The following GRIN2A variants were observed in gnomAD, a reference collection of about 807,000 sequenced individuals.
GRIN2A encodes glutamate ionotropic receptor NMDA type subunit 2A.
In GRIN2A, 22 loss-of-function variants were observed where a neutral mutation model predicts 113.4. The ratio of observed to expected loss-of-function variants is 0.19; its 90% CI spans 0.14 to 0.28. The LOEUF is 0.28. Among genes scored for constraint, GRIN2A ranks in the 10% least tolerant of loss-of-function variants. GRIN2A has a pLI of 1.00. For missense variants in GRIN2A, 1,502 were observed against 1,887.0 expected (o/e 0.80, Z 3.78); for synonymous variants, 827 against 738.4 (o/e 1.12, Z -1.94).
At chr16:10,119,912 G>C (rs1254595121) in intron 2 of GRIN2A, among the ~76,000 whole-genome samples, 7 of 152,282 alleles carry the variant, frequency 4.6e-5, no homozygotes, top group East Asian at 3.9e-4. Flanking sequence ...AAGTACATGA[G>C]TTCATTCTTT....
At chr16:9,983,544 A>G (rs1242566356) in intron 2 of GRIN2A, among the ~76,000 whole-genome samples, 1 of 147,512 alleles carries the variant, frequency 6.8e-6, no homozygotes, top group African/African-American at 2.5e-5. Flanking sequence ...GGTTCACACC[A>G]TTCTCCTGCC....
intron 4 of GRIN2A, among the ~76,000 whole-genome samples, chr16:9,860,604 G>C (rs552369897): frequency 2.8e-3 from 419 of 152,194 alleles, no homozygotes; most frequent in African/African-American, 8.5e-3. Context: ...ATTAGAAGTG[G>C]ATTAAACACT....
intron 2 of GRIN2A, among the ~76,000 whole-genome samples, chr16:10,118,643 C>T (rs4782262): frequency 0.84 from 128,499 of 152,178 alleles, 55,015 homozygotes; most frequent in East Asian, 0.92. Context: ...AAGTAGCAGA[C>T]AGACTGCTGT....
intron 2 of GRIN2A, among the ~76,000 whole-genome samples, chr16:9,962,866 C>G (rs544850999): frequency 7.9e-4 from 120 of 152,164 alleles, no homozygotes; most frequent in African/African-American, 2.8e-3. Context: ...GACTTGAAAC[C>G]AACCCAAATG....
chr16:9,985,039 C>T (rs111504673), intron 2 of GRIN2A, among the ~76,000 whole-genome samples: 2 of 151,830 alleles, frequency 1.3e-5, no homozygotes, highest in Non-Finnish European at 2.9e-5. Context: ...TGCATGCATG[C>T]GTGCACACAC....
At chr16:9,785,864 G>A (rs895960674) in intron 11 of GRIN2A, among the ~76,000 whole-genome samples, 2 of 152,158 alleles carry the variant, frequency 1.3e-5, no homozygotes, top group African/African-American at 4.8e-5. Flanking sequence ...CCATAGGCAA[G>A]GGCAATAGAG....
At chr16:10,100,667 C>G (rs558072497) in intron 2 of GRIN2A, among the ~76,000 whole-genome samples, 13 of 152,344 alleles carry the variant, frequency 8.5e-5, no homozygotes, top group African/African-American at 2.9e-4. Flanking sequence ...TCTGTCCACA[C>G]TGTTCACTCC....
At chr16:9,792,249 G>T (rs929083473) in intron 11 of GRIN2A, among the ~76,000 whole-genome samples, 25 of 152,080 alleles carry the variant, frequency 1.6e-4, no homozygotes, top group African/African-American at 5.8e-4. Context: ...TGGAGACAAG[G>T]TCTCACTCTG....
At chr16:10,118,325 C>T (rs952265107) in intron 2 of GRIN2A, among the ~76,000 whole-genome samples, 2 of 152,122 alleles carry the variant, frequency 1.3e-5, no homozygotes, top group African/African-American at 4.8e-5. Context: ...ATATCTCTGG[C>T]TAATAAAGGG....
intron 2 of GRIN2A, among the ~76,000 whole-genome samples, chr16:9,980,347 G>C (rs1256009257): frequency 5.3e-5 from 8 of 152,218 alleles, no homozygotes; most frequent in African/African-American, 1.9e-4. Flanking sequence ...ACAGGTGCTG[G>C]AGAGGATGTG....
chr16:10,106,472 C>A (rs1255950004), intron 2 of GRIN2A, among the ~76,000 whole-genome samples: 2 of 151,990 alleles, frequency 1.3e-5, no homozygotes, highest in African/African-American at 4.8e-5. Context: ...TCCCACCACT[C>A]TAGTACAACC....
Position 9,829,513 on chromosome 16 carries a change from G to A in GRIN2A, c.1917C>T (p.Val639=). ...TGGCTGTGTAGCTAGCCAGGAATAT[G>A]ACAGCGAAGAAGGCCCATACAGATA... ...IMVSVWAFFA[V]IFLASYTANL... is the part of the protein sequence containing the mutation. The change falls in exon 9 of 13, where the codon GTC becomes GTT. Residue 639 remains valine (V), a synonymous_variant. Transcript: ENST00000330684. The A allele has an allele frequency of 6.2e-7, 1 of 1,614,014 alleles. No homozygotes were observed. The highest frequency in any genetic ancestry group is 8.5e-7 in the Non-Finnish European group (1 of 1,179,910).
intron 4 of GRIN2A, among the ~76,000 whole-genome samples, chr16:9,884,250 T>C (rs1262943850): frequency 6.6e-6 from 1 of 152,216 alleles, no homozygotes; most frequent in African/African-American, 2.4e-5. Context: ...TATATTTTCA[T>C]TTTAAAGCTA....
At chr16:10,164,490 T>C (rs978966115) in intron 2 of GRIN2A, among the ~76,000 whole-genome samples, 11 of 152,306 alleles carry the variant, frequency 7.2e-5, no homozygotes, top group South Asian at 4.2e-4. Context: ...TCCAGCCCAA[T>C]TGGACGTGAG....
intron 2 of GRIN2A, among the ~76,000 whole-genome samples, chr16:10,033,251 G>T (rs1043477978): frequency 6.6e-6 from 1 of 152,168 alleles, no homozygotes; most frequent in Admixed American, 6.5e-5. Flanking sequence ...ATAGGTCTGG[G>T]TTCAAATCAT....
chr16:9,764,826 G>A lies in GRIN2A; in HGVS notation c.2718C>T (p.Ser906=), dbSNP rs1220121911. The A allele has an allele frequency of 1.2e-6, 2 of 1,614,192 alleles. No individual in the cohort carries two copies. Among genetic ancestry groups the A allele is most frequent in the East Asian group, 2.2e-5 (1 of 44,884 alleles). ...KLLRSAKNIS[S]MSNMNSSRMD... is the part of the protein sequence containing the mutation. The stretch of plus-strand genomic sequence containing the variant: ...TTCTTGAGGAGTTCATGTTGGACAT[G>A]CTGGAAATGTTTTTGGCTGACCGGA... Residue 906 remains serine, a synonymous_variant, in exon 13 of 13, where the codon AGC becomes AGT. Coordinates refer to ENST00000330684, the MANE Select transcript of GRIN2A (RefSeq NM_001134407.3).
At chr16:9,937,334 CTT>C (rs1240001089) in intron 3 of GRIN2A, among the ~76,000 whole-genome samples, 14 of 151,904 alleles carry the variant, frequency 9.2e-5, no homozygotes, top group Non-Finnish European at 2.1e-4. Flanking sequence ...TAATAAATGA[CTT>C]GTGTATTTTA....
intron 2 of GRIN2A, among the ~76,000 whole-genome samples, chr16:10,124,817 G>A (rs1448030891): frequency 2.0e-5 from 3 of 152,176 alleles, no homozygotes; most frequent in South Asian, 2.1e-4. Context: ...TAAAGTTGTG[G>A]TACAGCTAAT....
chr16:9,978,953 G>A (rs1348405446), intron 2 of GRIN2A, among the ~76,000 whole-genome samples: 1 of 152,132 alleles, frequency 6.6e-6, no homozygotes, highest in Non-Finnish European at 1.5e-5. Flanking sequence ...AAAAAGTAGT[G>A]CCCACATTTC....
Sources: allele counts gnomAD v4.1 joint callset (sites outside exome capture counted in the v4.1 genomes callset), GRCh38; gene constraint gnomAD v4.1.1; transcripts MANE v1.5; gene names NCBI Gene and HGNC (gene_info 2026-07-23, HGNC 2026-07-21).